GRM1: variants seen among roughly 807,000 people sequenced by gnomAD.
GRM1 encodes the protein metabotropic glutamate receptor 1.
A neutral mutation model predicts 90.9 loss-of-function variants in GRM1; 33 were observed. The ratio of observed to expected loss-of-function variants is 0.36; its 90% confidence interval spans 0.28 to 0.49. The LOEUF is 0.49. Ranked by LOEUF, GRM1 falls within the 20% of genes least tolerant of loss-of-function variation. The pLI is 0.99. For missense variants in GRM1, 1,190 were observed against 1,534.3 expected (o/e 0.78, Z 3.75); for synonymous variants, 700 against 613.2 (o/e 1.14, Z -2.09).
chr6:146,351,079 T>C (rs362873), intron 3 of GRM1, among the ~76,000 whole-genome samples: 195 of 152,302 alleles, frequency 1.3e-3, no homozygotes, highest in African/African-American at 4.4e-3. Flanking sequence ...CCGTTTCTTC[T>C]AAAGACTCAA....
chr6:146,221,974 C>A (rs1168902668), intron 2 of GRM1, among the ~76,000 whole-genome samples: 1 of 152,054 alleles, frequency 6.6e-6, no homozygotes, highest in East Asian at 1.9e-4. Context: ...ACAGACCACA[C>A]AAAAGTAGGC....
intron 1 of GRM1, among the ~76,000 whole-genome samples, chr6:146,041,633 G>T (rs774351375): frequency 1.3e-5 from 2 of 151,886 alleles, no homozygotes; most frequent in Non-Finnish European, 2.9e-5. Context: ...CTACAATGTG[G>T]TGCTGCTGAA....
intron 5 of GRM1, among the ~76,000 whole-genome samples, chr6:146,379,295 G>T (rs1271373748): frequency 1.3e-5 from 2 of 151,942 alleles, no homozygotes. Context: ...CCTCTGATAG[G>T]TATTTTCAAA....
rs369258868 is a variant in GRM1 at position 146,434,034 on chromosome 6, C to T, written c.2823C>T (p.Gly941=). 20 of 1,614,042 alleles carry T rather than the reference C, an allele frequency of 1.2e-5. No individual in the cohort carries two copies. Among genetic ancestry groups the T allele is most frequent in the Non-Finnish European group, 1.5e-5 (18 of 1,180,040 alleles). The change falls in exon 8 of 8, where the codon GGC becomes GGT. Residue 941 remains glycine, a synonymous_variant. Transcript: ENST00000282753. ...TCACTAAAAGTTACCAAGGCTCTGG[C>T]AAGAGCCTGACCTTTTCAGATACCA... ...KPLTKSYQGS[G]KSLTFSDTST...
intron 5 of GRM1, among the ~76,000 whole-genome samples, chr6:146,381,483 T>C (rs1377226607): frequency 6.6e-6 from 1 of 152,204 alleles, no homozygotes; most frequent in Non-Finnish European, 1.5e-5. Flanking sequence ...TGCATCATGC[T>C]GCAGCATCTA....
chr6:146,295,832 G>T (rs1384499643), intron 2 of GRM1, among the ~76,000 whole-genome samples: 1 of 152,030 alleles, frequency 6.6e-6, no homozygotes, highest in African/African-American at 2.4e-5. Context: ...CCTCACTGAG[G>T]TACTAAGCCT....
intron 7 of GRM1, among the ~76,000 whole-genome samples, chr6:146,404,991 T>G (rs1777293503): frequency 6.6e-6 from 1 of 152,134 alleles, no homozygotes; most frequent in Non-Finnish European, 1.5e-5. Flanking sequence ...TCACTAGACT[T>G]GAAATACCAG....
chr6:146,307,723 T>G (rs937883519), intron 3 of GRM1, among the ~76,000 whole-genome samples: 1 of 152,190 alleles, frequency 6.6e-6, no homozygotes, highest in East Asian at 1.9e-4. Context: ...CCTCTTCTAA[T>G]TGGGTCACTT....
intron 3 of GRM1, among the ~76,000 whole-genome samples, chr6:146,323,901 T>C (rs1446173978): frequency 1.3e-5 from 2 of 152,242 alleles, no homozygotes; most frequent in Non-Finnish European, 2.9e-5. Flanking sequence ...CAGATAGTTG[T>C]AGATATGTGG....
intron 1 of GRM1, among the ~76,000 whole-genome samples, chr6:146,064,225 G>C (rs1475051949): frequency 6.6e-6 from 1 of 152,176 alleles, no homozygotes; most frequent in Non-Finnish European, 1.5e-5. Context: ...ATGTGCATGT[G>C]TGTGCACATG....
At chr6:146,252,138 A>G (rs1562558141) in intron 2 of GRM1, among the ~76,000 whole-genome samples, 2 of 151,984 alleles carry the variant, frequency 1.3e-5, no homozygotes, top group African/African-American at 2.4e-5. Context: ...ATTTTTGTTC[A>G]TTTTATTCAC....
intron 2 of GRM1, among the ~76,000 whole-genome samples, chr6:146,292,193 AT>A (rs2114888139): frequency 6.6e-6 from 1 of 152,142 alleles, no homozygotes; most frequent in East Asian, 1.9e-4. Flanking sequence ...AAACCATAAA[AT>A]TTTAAAAGTA....
At chr6:146,352,229 G>GAT (rs1378632509) in intron 3 of GRM1, 21 bp from the exon 4 acceptor site, 1 of 1,611,740 alleles carries the variant, frequency 6.2e-7, no homozygotes, top group African/African-American at 1.3e-5. Context: ...CCTTGGTAGT[G>GAT]ATCTATTTTT....
rs1028421 is a variant in GRM1, at chr6:146,371,539, C to T, written c.1602+13845C>T. Among the ~76,000 whole-genome samples, 616 of 152,120 alleles carry T rather than the reference C, an allele frequency of 4.0e-3. 4 individuals are homozygous for T. Among genetic ancestry groups the T allele is most frequent in the African/African-American group, 0.014 (563 of 41,518 alleles). On this transcript the variant is annotated intron_variant, in intron 5 of 7. Coordinates refer to ENST00000282753, the MANE Select transcript of GRM1 (RefSeq NM_001278064.2). Reference sequence around the variant, plus strand: ...GTTATTATTGACTATAGTCACCCTACGGTGCTATCAAATAGTAGGTTTTAT... The same window carrying T: ...GTTATTATTGACTATAGTCACCCTATGGTGCTATCAAATAGTAGGTTTTAT...
intron 1 of GRM1, among the ~76,000 whole-genome samples, chr6:146,140,047 C>A (rs866512868): frequency 2.6e-4 from 37 of 142,760 alleles, no homozygotes; most frequent in Middle Eastern, 7.0e-3. Flanking sequence ...CTTCTTTCCT[C>A]TCTTCTCCTT....
At chr6:146,274,607 AAGC>A (rs1359536849) in intron 2 of GRM1, among the ~76,000 whole-genome samples, 1 of 152,236 alleles carries the variant, frequency 6.6e-6, no homozygotes, top group Non-Finnish European at 1.5e-5. Flanking sequence ...TAAATGCAGA[AAGC>A]AGAGATTGCA....
At chr6:146,351,777 A>G (rs1337829355) in intron 3 of GRM1, among the ~76,000 whole-genome samples, 1 of 152,210 alleles carries the variant, frequency 6.6e-6, no homozygotes, top group Non-Finnish European at 1.5e-5. Context: ...AAATGAAAAA[A>G]AAATAGTGGA....
At position 146,405,084 on chromosome 6, in the gene GRM1, T is replaced by C. The variant is rs373075880; in HGVS notation, c.2660+5385T>C. ...GAAATACTGCTACTATTAAAACAGA[T>C]AAGGAATACAGGAACAGGACAGAGG... On this transcript the variant is annotated intron_variant, in intron 7 of 7. Transcript: ENST00000282753. 1.8e-4 allele frequency among the ~76,000 whole-genome samples: 28 copies of C among 152,128 alleles called. No individual in the cohort carries two copies. The East Asian group carries it at 4.0e-3, about 22-fold the overall frequency.
At chr6:146,195,853 A>C (rs1276515686) in intron 2 of GRM1, among the ~76,000 whole-genome samples, 3 of 152,210 alleles carry the variant, frequency 2.0e-5, no homozygotes, top group Admixed American at 6.5e-5. Context: ...TGTTTCATAC[A>C]GTAGGAACAC....
Sources: allele counts gnomAD v4.1 joint callset (sites outside exome capture counted in the v4.1 genomes callset), GRCh38; gene constraint gnomAD v4.1.1; transcripts MANE v1.5; gene names NCBI Gene and HGNC (gene_info 2026-07-23, HGNC 2026-07-21).